FRMPD1: variants seen among roughly 807,000 people sequenced by gnomAD.
The protein encoded by FRMPD1 is FERM and PDZ domain containing 1.
In FRMPD1, 76 loss-of-function variants were observed where a neutral mutation model predicts 117.8. The ratio of observed to expected loss-of-function variants is 0.65; its 90% CI spans 0.54 to 0.78. FRMPD1 has a LOEUF of 0.78. Ranked by LOEUF, FRMPD1 falls within the 30% of genes least tolerant of loss-of-function variation. The probability of loss-of-function intolerance (pLI) is 0.00; values close to 1 mark genes in which losing one functional copy is unlikely to be tolerated. For synonymous variants in FRMPD1, 783 were observed against 770.4 expected (o/e 1.02, Z -0.27); for missense variants, 1,786 against 1,964.5 (o/e 0.91, Z 1.72).
intron 2 of FRMPD1, among the ~76,000 whole-genome samples, chr9:37,695,884 G>A (rs1822301727): frequency 6.6e-6 from 1 of 151,952 alleles, no homozygotes; most frequent in African/African-American, 2.4e-5. Context: ...AATGTAAAAT[G>A]TTCCTGTCCC....
intron 8 of FRMPD1, 45 bp downstream of exon 8, chr9:37,729,898 T>G (rs746483235): frequency 6.3e-7 from 1 of 1,599,384 alleles, no homozygotes; most frequent in South Asian, 1.1e-5. Context: ...TGGGCTGGGC[T>G]GGCTGCATAC....
In FRMPD1 at chr9:37,664,305, G is replaced by GTATTTATT. The variant is rs3075982; in HGVS notation, c.-5+13221_-5+13228dup. Among the ~76,000 whole-genome samples, 19 of 149,530 alleles carry GTATTTATT rather than the reference G, an allele frequency of 1.3e-4. 1 individual carries two copies. The highest frequency in any genetic ancestry group is 4.0e-4 in the East Asian group (2 of 5,048). ...TTTATGTATGTATGTATGTATGTAT[G>GTATTTATT]TATTTATTTATTTATTTTTACTTTA... On this transcript the variant is annotated intron_variant, in intron 1 of 15. Coordinates refer to ENST00000377765, the MANE Select transcript of FRMPD1 (RefSeq NM_014907.3).
intron 7 of FRMPD1, 57 bp from the exon 8 acceptor site, chr9:37,729,671 G>T: frequency 1.3e-6 from 2 of 1,585,874 alleles, no homozygotes; most frequent in Non-Finnish European, 1.7e-6. Context: ...TGGCAGGAAG[G>T]CCAGGGAAGT....
chr9:37,647,238 G>A (rs1396080171), upstream of FRMPD1, among the ~76,000 whole-genome samples: 2 of 152,028 alleles, frequency 1.3e-5, no homozygotes, highest in African/African-American at 4.8e-5. Context: ...GGCCAGGCAC[G>A]GTGGCTCATA....
intron 1 of FRMPD1, among the ~76,000 whole-genome samples, chr9:37,677,246 C>T (rs1821561787): frequency 6.6e-6 from 1 of 152,190 alleles, no homozygotes; most frequent in Non-Finnish European, 1.5e-5. Context: ...GTCCTGGGCC[C>T]AGCCCTGCAA....
At chr9:37,660,956 G>C (rs1820985876) in intron 1 of FRMPD1, among the ~76,000 whole-genome samples, 1 of 152,202 alleles carries the variant, frequency 6.6e-6, no homozygotes, top group African/African-American at 2.4e-5. Flanking sequence ...GGTCTCTACA[G>C]TCATCAGTAG....
In FRMPD1 at chr9:37,745,289, A is replaced by T; in HGVS notation, c.3257A>T (p.Glu1086Val). The change falls in exon 16 of 16, where the codon GAA (glutamate) becomes GTA (valine). Residue 1086 changes from glutamate (E) to valine (V), a missense_variant. Glu to Val is a moderately radical substitution (Grantham distance 121). Coordinates refer to ENST00000377765, the MANE Select transcript of FRMPD1 (RefSeq NM_014907.3). The part of the protein sequence containing the change: ...LSPRDEPRSD[E>V]CGINPGEKIA... ...CCTAGAGATGAGCCTAGAAGTGATG[A>T]ATGTGGAATAAATCCAGGAGAGAAG... The T allele has an allele frequency of 6.2e-7, 1 of 1,611,946 alleles. No homozygotes were observed. The highest frequency in any genetic ancestry group is 8.5e-7 in the Non-Finnish European group (1 of 1,177,974).
the FRMPD1 span, among the ~76,000 whole-genome samples, chr9:37,623,186 TG>T: frequency 2.4e-3 from 372 of 152,346 alleles, 3 homozygotes; most frequent in African/African-American, 8.7e-3. Context: ...AATTCATTCG[TG>T]GAAGCTGTGT....
chr9:37,623,783 A>T, the FRMPD1 span, among the ~76,000 whole-genome samples: 1 of 152,220 alleles, frequency 6.6e-6, no homozygotes, highest in African/African-American at 2.4e-5. Context: ...GTCTACTAAG[A>T]CCATCACAAA....
chr9:37,681,072 G>A (rs1395161810), intron 1 of FRMPD1, among the ~76,000 whole-genome samples: 1 of 151,844 alleles, frequency 6.6e-6, no homozygotes, highest in Admixed American at 6.6e-5. Flanking sequence ...AACTAGCCAG[G>A]CGTGGTGGCA....
Position 37,745,946 on chromosome 9 carries a change from AAGTCTCTGCC to A in FRMPD1, c.3921_3930del (p.Ala1308GlyfsTer11). The A allele has an allele frequency of 6.2e-7, 1 of 1,614,234 alleles. No individual in the cohort carries two copies. Among genetic ancestry groups the A allele is most frequent in the Non-Finnish European group, 8.5e-7 (1 of 1,180,032 alleles). Reference sequence around the variant, plus strand: ...TGCTTTGCCCCAGAAAGCCATCCTGAAGTCTCTGCCAGTCTCAGGGTGGCCACATCTTTGG... The same window carrying A: ...TGCTTTGCCCCAGAAAGCCATCCTGAAGTCTCAGGGTGGCCACATCTTTGG... On this transcript the variant is annotated frameshift_variant, in exon 16 of 16. Coordinates refer to ENST00000377765, the MANE Select transcript of FRMPD1 (RefSeq NM_014907.3). LOFTEE classifies it high-confidence loss of function.
At chr9:37,674,573 G>A (rs1821460816) in intron 1 of FRMPD1, among the ~76,000 whole-genome samples, 1 of 152,108 alleles carries the variant, frequency 6.6e-6, no homozygotes, top group Non-Finnish European at 1.5e-5. Context: ...GTATTAGTCT[G>A]TTTTCATGCT....
rs757647210 is a variant in FRMPD1 at position 37,740,320 on chromosome 9, C to T, written c.1792C>T (p.Arg598Cys). The change falls in exon 15 of 16, where the codon CGC (arginine) becomes TGC (cysteine). Residue 598 changes from arginine to cysteine, a missense_variant. By Grantham distance (180) the Arg-to-Cys change is radical. Transcript: ENST00000377765. This position sits in a 1 kb window ranked among gnomAD's most constrained non-coding sequence, Gnocchi z 4.2. ...EASDSANTES[R>C]GYRTSGSSES... ...GTCCGACTCAGCCAACACTGAGAGC[C>T]GCGGCTACAGGACCAGTGGCTCGAG... 1.1e-5 allele frequency: 17 copies of T among 1,613,860 alleles called. No homozygotes were observed. The highest frequency in any genetic ancestry group is 2.2e-5 in the East Asian group (1 of 44,882).
At chr9:37,631,024 T>C in the FRMPD1 span, among the ~76,000 whole-genome samples, 1 of 152,130 alleles carries the variant, frequency 6.6e-6, no homozygotes, top group Non-Finnish European at 1.5e-5. Flanking sequence ...AGTGCTGTCA[T>C]AGAGGTAAAT....
chr9:37,721,771 A>C (rs899110983), intron 6 of FRMPD1, among the ~76,000 whole-genome samples: 7 of 152,354 alleles, frequency 4.6e-5, no homozygotes, highest in Middle Eastern at 3.4e-3. Flanking sequence ...GGAATTGTGA[A>C]ATCAGTTCTG....
In FRMPD1 at chr9:37,725,561, T is replaced by C. The variant is rs377723534; in HGVS notation, c.612+1241T>C. On this transcript the variant is annotated intron_variant, in intron 7 of 15. Transcript: ENST00000377765. The stretch of plus-strand genomic sequence containing the variant: ...CCTACAGCTGCTCCAAATGCTCTAT[T>C]CTATTTCTTCCTAAATGTGAGTTAG... Among the ~76,000 whole-genome samples the C allele has an allele frequency of 3.0e-4, 45 of 152,336 alleles. No individual in the cohort carries two copies. The South Asian group carries it at 8.7e-3, about 29-fold the overall frequency.
intron 5 of FRMPD1, among the ~76,000 whole-genome samples, chr9:37,711,851 C>T (rs1005732778): frequency 3.3e-5 from 5 of 152,158 alleles, no homozygotes; most frequent in Non-Finnish European, 5.9e-5. Context: ...GCTCACCACA[C>T]GGCAAGGTGT....
chr9:37,708,281 G>C, intron 3 of FRMPD1, 118 bp from the exon 4 acceptor site: 1 of 662,566 alleles, frequency 1.5e-6, no homozygotes, highest in Non-Finnish European at 2.7e-6. Context: ...CTGAAGGCGG[G>C]GGAGTGAGCC....
At chr9:37,628,768 G>A in the FRMPD1 span, among the ~76,000 whole-genome samples, 495 of 152,046 alleles carry the variant, frequency 3.3e-3, 6 homozygotes, top group African/African-American at 0.011. Context: ...GTGATCTTTC[G>A]CAAGCTCCTT....
Sources: allele counts gnomAD v4.1 joint callset (sites outside exome capture counted in the v4.1 genomes callset), GRCh38; gene constraint gnomAD v4.1.1; non-coding constraint Gnocchi (gnomAD v3.1); transcripts MANE v1.5; gene names NCBI Gene and HGNC (gene_info 2026-07-23, HGNC 2026-07-21).